SLC25A33: variants seen among roughly 807,000 people sequenced by gnomAD.
The protein encoded by SLC25A33 is bone marrow stromal cell mitochondrial carrier protein.
SLC25A33 carries 15 observed loss-of-function variants against 35.5 expected under a neutral mutation model. The ratio of observed to expected loss-of-function variants is 0.42; its 90% confidence interval spans 0.28 to 0.65. The LOEUF is 0.65. Ranked by LOEUF, SLC25A33 falls within the 30% of genes least tolerant of loss-of-function variation. The pLI is 0.20. For synonymous variants in SLC25A33, 136 were observed against 148.7 expected (o/e 0.91, Z 0.62); for missense variants, 257 against 398.5 (o/e 0.64, Z 3.02).
intron 1 of SLC25A33, among the ~76,000 whole-genome samples, chr1:9,547,852 TTTTG>T (rs1361341516): frequency 1.3e-5 from 2 of 150,820 alleles, no homozygotes; most frequent in African/African-American, 2.5e-5. Flanking sequence ...TTTGTTTTGA[TTTTG>T]TTTTTGTTTT....
At chr1:9,552,198 C>A (rs1380311076) in intron 1 of SLC25A33, among the ~76,000 whole-genome samples, 1 of 151,900 alleles carries the variant, frequency 6.6e-6, no homozygotes, top group Non-Finnish European at 1.5e-5. Flanking sequence ...AACACAAGGA[C>A]TTCATTGTTG....
At chr1:9,543,161 G>C (rs1251067098) in intron 1 of SLC25A33, among the ~76,000 whole-genome samples, 1 of 146,926 alleles carries the variant, frequency 6.8e-6, no homozygotes, top group African/African-American at 2.5e-5. Context: ...ATTTATTTTT[G>C]ATACGGAGTT....
intron 1 of SLC25A33, among the ~76,000 whole-genome samples, chr1:9,540,666 C>T (rs1484112439): frequency 6.6e-6 from 1 of 152,096 alleles, no homozygotes; most frequent in African/African-American, 2.4e-5. Context: ...CCTCATCGGC[C>T]TGGCACAGGA....
At chr1:9,543,011 T>C (rs1643115788) in intron 1 of SLC25A33, among the ~76,000 whole-genome samples, 1 of 151,482 alleles carries the variant, frequency 6.6e-6, no homozygotes, top group Admixed American at 6.6e-5. Context: ...AGAGATGGGG[T>C]TTTGCCACGT....
Position 9,553,645 on chromosome 1 carries a change from G to T in SLC25A33, c.76G>T (p.Ala26Ser). 6.2e-7 allele frequency: 1 copy of T among 1,613,430 alleles called. No homozygotes were observed. The highest frequency in any genetic ancestry group is 8.5e-7 in the Non-Finnish European group (1 of 1,180,024). Reference protein sequence around the residue: ...FAGGCGGTVGAIFTCPLEVIK... With the variant: ...FAGGCGGTVGSIFTCPLEVIK... ...TTACAGGTGTGGAGGCACAGTTGGTGCTATTTTCACTTGTCCACTAGAAGT... is the reference window on the plus strand; with the variant it reads ...TTACAGGTGTGGAGGCACAGTTGGTTCTATTTTCACTTGTCCACTAGAAGT... The change falls in exon 2 of 7, where the codon GCT becomes TCT. Residue 26 changes from alanine to serine, a missense_variant. Physicochemically the swap from Ala to Ser is moderately conservative, Grantham distance 99. Transcript: ENST00000302692.
chr1:9,561,354 T>C (rs113534594), intron 2 of SLC25A33, among the ~76,000 whole-genome samples: 19 of 152,330 alleles, frequency 1.2e-4, no homozygotes, highest in African/African-American at 4.3e-4. Context: ...CTTGGATTAG[T>C]CTGTGCTATG....
chr1:9,539,777 C>T (rs1569833261), intron 1 of SLC25A33, 30 bp downstream of exon 1: 5 of 1,345,630 alleles, frequency 3.7e-6, no homozygotes, highest in African/African-American at 3.1e-5. Context: ...CGCGCGCGCC[C>T]CACCGCCTGC....
At chr1:9,574,454 A>C (rs916859277) in intron 5 of SLC25A33, among the ~76,000 whole-genome samples, 2 of 152,226 alleles carry the variant, frequency 1.3e-5, no homozygotes, top group African/African-American at 4.8e-5. Flanking sequence ...AACACATTAA[A>C]TTAATAAGAT....
chr1:9,560,676 G>T (rs1288153503), intron 2 of SLC25A33, among the ~76,000 whole-genome samples: 1 of 150,680 alleles, frequency 6.6e-6, no homozygotes. Flanking sequence ...AAAATTCAGA[G>T]AAAAAAATAT....
In SLC25A33 at chr1:9,580,143, T is replaced by C. The variant is rs1643719709; in HGVS notation, c.672T>C (p.Asn224=). 1 of 1,611,172 alleles carries C rather than the reference T, an allele frequency of 6.2e-7. No individual in the cohort carries two copies. The highest frequency in any genetic ancestry group is 1.3e-5 in the African/African-American group (1 of 74,622). The part of the protein sequence containing the change: ...LKEAPLASSA[N]GTEKNSTSFF... ...AAGCTCCATTAGCCTCTTCTGCAAA[T>C]GGGACTGAGAAAAATTCCACAAGTT... The change falls in exon 6 of 7, where the codon AAT becomes AAC. Residue 224 remains asparagine, a synonymous_variant. Transcript: ENST00000302692.
chr1:9,567,260 G>A (rs959645915), intron 2 of SLC25A33, 24 bp from the exon 3 acceptor site: 2 of 1,608,204 alleles, frequency 1.2e-6, no homozygotes, highest in African/African-American at 1.3e-5. Flanking sequence ...GGGTTTTAAA[G>A]GTTTGTCTTT....
chr1:9,567,458 T>C, intron 3 of SLC25A33, 97 bp downstream of exon 3: 1 of 1,159,860 alleles, frequency 8.6e-7, no homozygotes, highest in Non-Finnish European at 1.2e-6. Flanking sequence ...CCAGTGTCTT[T>C]TTCTATGTTG....
At chr1:9,566,130 C>A (rs1643501793) in intron 2 of SLC25A33, among the ~76,000 whole-genome samples, 1 of 152,024 alleles carries the variant, frequency 6.6e-6, no homozygotes, top group South Asian at 2.1e-4. Flanking sequence ...GCCTTGACCT[C>A]CCAGGCTAAG....
intron 2 of SLC25A33, among the ~76,000 whole-genome samples, chr1:9,558,601 C>G (rs892275502): frequency 6.6e-6 from 1 of 152,188 alleles, no homozygotes; most frequent in Non-Finnish European, 1.5e-5. Context: ...TTAGAGGCAG[C>G]TCCATCTTTC....
intron 4 of SLC25A33, among the ~76,000 whole-genome samples, chr1:9,571,672 G>A (rs1211234001): frequency 6.7e-6 from 1 of 148,420 alleles, no homozygotes; most frequent in Non-Finnish European, 1.5e-5. Context: ...GGGTCTGGCT[G>A]TGTCACCTAG....
chr1:9,561,280 G>GGAGAAGGC (rs1643420867), intron 2 of SLC25A33, among the ~76,000 whole-genome samples: 1 of 152,120 alleles, frequency 6.6e-6, no homozygotes, highest in South Asian at 2.1e-4. Context: ...TCATTGAAAA[G>GGAGAAGGC]TAACGTGTTA....
In SLC25A33 at chr1:9,584,575, T is replaced by A. The variant is rs1643783736; in HGVS notation, c.*2074T>A. The A allele has an allele frequency of 6.6e-6, 1 of 152,222 alleles. No individual in the cohort carries two copies. Among genetic ancestry groups the A allele is most frequent in the Admixed American group, 6.5e-5 (1 of 15,280 alleles). The allele number at this position is 152,222 out of a possible 1,614,324, so 9.4% of individuals were successfully genotyped here. A position where few individuals can be genotyped will look rare whatever the true frequency, so the allele number is the denominator to read the frequency against. Reference sequence around the variant, plus strand: ...CCACCACACCTGGCTAATTTTGTATTTTTAGTAGAGATGGGGTTTCACCAT... The same window carrying A: ...CCACCACACCTGGCTAATTTTGTATATTTAGTAGAGATGGGGTTTCACCAT... On this transcript the variant is annotated 3_prime_UTR_variant, in exon 7 of 7. Coordinates refer to ENST00000302692, the MANE Select transcript of SLC25A33 (RefSeq NM_032315.3).
At chr1:9,565,167 G>A (rs1643483600) in intron 2 of SLC25A33, among the ~76,000 whole-genome samples, 1 of 152,112 alleles carries the variant, frequency 6.6e-6, no homozygotes, top group African/African-American at 2.4e-5. Flanking sequence ...AGGTTCTGGA[G>A]GTAGATGGTG....
chr1:9,561,157 A>T (rs931367585), intron 2 of SLC25A33, among the ~76,000 whole-genome samples: 1 of 152,100 alleles, frequency 6.6e-6, no homozygotes, highest in Non-Finnish European at 1.5e-5. Flanking sequence ...ATTAGCCAGG[A>T]TGGACTCCAT....
Sources: allele counts gnomAD v4.1 joint callset (sites outside exome capture counted in the v4.1 genomes callset), GRCh38; gene constraint gnomAD v4.1.1; transcripts MANE v1.5; gene names NCBI Gene and HGNC (gene_info 2026-07-23, HGNC 2026-07-21).